CCSER1: variants seen among roughly 807,000 people sequenced by gnomAD.
CCSER1 encodes the protein serine-rich coiled-coil domain-containing protein 1.
Under a neutral mutation model 82.0 loss-of-function variants are expected in CCSER1, and 41 were observed. That is an observed-to-expected ratio of 0.50 (90% confidence interval 0.39 to 0.65). The LOEUF (loss-of-function observed/expected upper bound fraction) is 0.65, where lower values mean the gene tolerates loss of function less well. CCSER1 is among the 30% of genes least tolerant of loss of function. The pLI, the probability that CCSER1 is intolerant of heterozygous loss-of-function variation, is 0.00. For missense variants in CCSER1, 1,119 were observed against 1,064.2 expected, an observed-to-expected ratio of 1.05 and a Z score of -0.72; for synonymous variants, 414 against 383.9, an observed-to-expected ratio of 1.08 and a Z score of -0.92.
At chr4:91,481,550 A>G (rs892786862) in intron 10 of CCSER1, among the ~76,000 whole-genome samples, 2 of 152,190 alleles carry the variant, frequency 1.3e-5, no homozygotes, top group Non-Finnish European at 2.9e-5. Flanking sequence ...TTAAAGCTGC[A>G]ACATACACAT....
At chr4:91,068,925 G>A (rs775575280) in intron 9 of CCSER1, among the ~76,000 whole-genome samples, 2 of 152,106 alleles carry the variant, frequency 1.3e-5, no homozygotes, top group Non-Finnish European at 2.9e-5. Flanking sequence ...GCTCATGCCT[G>A]TAATCCCAGC....
intron 10 of CCSER1, among the ~76,000 whole-genome samples, chr4:91,105,933 A>C (rs190623461): frequency 2.7e-4 from 41 of 152,176 alleles, no homozygotes; most frequent in Admixed American, 2.1e-3. Flanking sequence ...CAGAAACATC[A>C]AAGTGTTTTG....
chr4:90,804,755 A>G (rs1009682015), intron 7 of CCSER1, among the ~76,000 whole-genome samples: 2 of 152,238 alleles, frequency 1.3e-5, no homozygotes, highest in Non-Finnish European at 2.9e-5. Context: ...TATAAAATGT[A>G]TAAGACTGGA....
At chr4:90,659,938 G>C (rs1355460232) in intron 6 of CCSER1, among the ~76,000 whole-genome samples, 1 of 151,092 alleles carries the variant, frequency 6.6e-6, no homozygotes, top group Non-Finnish European at 1.5e-5. Flanking sequence ...ATGCTTATTT[G>C]TGTCATTTGC....
At chr4:90,192,532 G>A (rs1735848051) in intron 1 of CCSER1, among the ~76,000 whole-genome samples, 1 of 152,082 alleles carries the variant, frequency 6.6e-6, no homozygotes, top group Admixed American at 6.6e-5. Context: ...TTGCCGTGCA[G>A]TAGTTGTATG....
chr4:90,779,747 C>T (rs1753494119), intron 7 of CCSER1, among the ~76,000 whole-genome samples: 1 of 152,052 alleles, frequency 6.6e-6, no homozygotes, highest in Non-Finnish European at 1.5e-5. Flanking sequence ...GACATGTGAC[C>T]CAATCCTGGC....
At chr4:91,168,539 G>A (rs1230982721) in intron 10 of CCSER1, among the ~76,000 whole-genome samples, 1 of 147,308 alleles carries the variant, frequency 6.8e-6, no homozygotes, top group African/African-American at 2.5e-5. Flanking sequence ...GGTGAGGAGT[G>A]CCTCTGCCCG....
intron 9 of CCSER1, among the ~76,000 whole-genome samples, chr4:90,925,843 C>T (rs761184962): frequency 6.6e-6 from 1 of 151,614 alleles, no homozygotes; most frequent in Admixed American, 6.6e-5. Context: ...ACAATGAGTC[C>T]CTAAAGAATC....
At position 90,298,103 on chromosome 4, in the gene CCSER1, A is replaced by G. The variant is rs536661993; in HGVS notation, c.-41-10141A>G. ...CTCCTTGTACCTCTGGTAGAATTCCACTGTGAATCCATCTGGTCCTGGACT... is the reference window on the plus strand; with the variant it reads ...CTCCTTGTACCTCTGGTAGAATTCCGCTGTGAATCCATCTGGTCCTGGACT... On this transcript the variant is annotated intron_variant, in intron 1 of 10. Transcript: ENST00000509176. 8.0e-3 allele frequency among the ~76,000 whole-genome samples: 1,216 copies of G among 152,054 alleles called. 10 individuals carry two copies. Among genetic ancestry groups the G allele is most frequent in the South Asian group, 0.016 (77 of 4,814 alleles).
chr4:90,882,671 T>C (rs55677038), intron 8 of CCSER1, among the ~76,000 whole-genome samples: 4,382 of 152,138 alleles, frequency 0.029, 205 homozygotes, highest in African/African-American at 0.099. Context: ...GTAGCTCTTA[T>C]TTTGCTCATT....
intron 10 of CCSER1, among the ~76,000 whole-genome samples, chr4:91,403,007 T>C (rs1055516470): frequency 8.5e-5 from 13 of 152,320 alleles, no homozygotes; most frequent in Admixed American, 4.6e-4. Flanking sequence ...TTTCACAATA[T>C]TGATTCTTCC....
chr4:91,065,575 C>T (rs546779563), intron 9 of CCSER1, among the ~76,000 whole-genome samples: 3 of 152,018 alleles, frequency 2.0e-5, no homozygotes, highest in East Asian at 1.9e-4. Flanking sequence ...AATGTGGTAA[C>T]ACTTGTTTAC....
chr4:90,513,103 AAG>A (rs1205877006), intron 5 of CCSER1, among the ~76,000 whole-genome samples: 1 of 152,160 alleles, frequency 6.6e-6, no homozygotes, highest in African/African-American at 2.4e-5. Flanking sequence ...AGCAAAACAT[AAG>A]ACTCACTTGA....
chr4:91,515,932 C>T (rs575757160), intron 10 of CCSER1, among the ~76,000 whole-genome samples: 16 of 145,266 alleles, frequency 1.1e-4, no homozygotes, highest in Admixed American at 6.2e-4. Context: ...ATCTCATTGT[C>T]GTTTTATTGC....
At chr4:90,742,268 G>A (rs1746678786) in intron 7 of CCSER1, among the ~76,000 whole-genome samples, 1 of 152,148 alleles carries the variant, frequency 6.6e-6, no homozygotes, top group Non-Finnish European at 1.5e-5. Flanking sequence ...TTTGGGTGGG[G>A]AAACAGAGCC....
intron 10 of CCSER1, among the ~76,000 whole-genome samples, chr4:91,245,050 T>C (rs570292300): frequency 1.3e-5 from 2 of 151,934 alleles, no homozygotes; most frequent in South Asian, 4.2e-4. Context: ...GAAGAAAGAA[T>C]TCGTGAGCTT....
At chr4:91,154,353 G>A (rs180823981) in intron 10 of CCSER1, among the ~76,000 whole-genome samples, 39 of 152,178 alleles carry the variant, frequency 2.6e-4, no homozygotes, top group Middle Eastern at 3.4e-3. Flanking sequence ...TGCTAAGACC[G>A]TGGGAAAAGT....
chr4:90,501,633 C>A (rs568193173), intron 5 of CCSER1, among the ~76,000 whole-genome samples: 2 of 152,210 alleles, frequency 1.3e-5, no homozygotes, highest in Admixed American at 6.5e-5. Flanking sequence ...TTGTAAGATG[C>A]AAACATTTTG....
At chr4:91,421,260 T>A (rs547184236) in intron 10 of CCSER1, among the ~76,000 whole-genome samples, 1 of 152,258 alleles carries the variant, frequency 6.6e-6, no homozygotes, top group South Asian at 2.1e-4. Context: ...ATGAAAAGTC[T>A]CATGATATGT....
Sources: allele counts gnomAD v4.1 joint callset (sites outside exome capture counted in the v4.1 genomes callset), GRCh38; gene constraint gnomAD v4.1.1; transcripts MANE v1.5; gene names NCBI Gene and HGNC (gene_info 2026-07-23, HGNC 2026-07-21).